Variants in JARID2 observed in about 807,000 individuals in gnomAD.
JARID2 encodes the protein jumonji and AT-rich interaction domain containing 2.
Under a neutral mutation model 125.6 loss-of-function variants are expected in JARID2, and 21 were observed. The observed-to-expected ratio is 0.17, with a 90% CI of 0.12 to 0.24. The LOEUF (loss-of-function observed/expected upper bound fraction) is 0.24, where lower values mean the gene tolerates loss of function less well. JARID2 is among the 10% of genes least tolerant of loss of function. The pLI is 1.00. For synonymous variants in JARID2, 736 were observed against 661.6 expected, an observed-to-expected ratio of 1.11 and a Z score of -1.73; for missense variants, 1,303 against 1,639.6, an observed-to-expected ratio of 0.79 and a Z score of 3.55.
Position 15,487,149 on chromosome 6 carries a change from C to T in JARID2, c.671-158C>T, listed in dbSNP as rs532133229. On this transcript the variant is annotated intron_variant, in intron 5 of 17. Transcript: ENST00000341776. ...GAGAACAGCATAGGGGAAACTGCCT[C>T]CATGATCCAGTCACCTCCCACCAGT... 2.2e-4 allele frequency among the ~76,000 whole-genome samples: 34 copies of T among 152,228 alleles called. 1 individual carries two copies. In the East Asian group the frequency reaches 6.2e-3, roughly 28 times the overall value.
chr6:15,359,407 A>G (rs982051743), intron 1 of JARID2, among the ~76,000 whole-genome samples: 1 of 152,086 alleles, frequency 6.6e-6, no homozygotes, highest in Non-Finnish European at 1.5e-5. Flanking sequence ...ACTGGAGAGA[A>G]AGTTCATTTC....
chr6:15,440,371 G>T (rs1767395282), intron 3 of JARID2, among the ~76,000 whole-genome samples: 1 of 152,178 alleles, frequency 6.6e-6, no homozygotes, highest in African/African-American at 2.4e-5. Flanking sequence ...TTGTAATCGA[G>T]GTAGAATATT....
intron 3 of JARID2, among the ~76,000 whole-genome samples, chr6:15,449,103 C>CA (rs1767803865): frequency 6.6e-6 from 1 of 152,130 alleles, no homozygotes; most frequent in African/African-American, 2.4e-5. Context: ...AACTGCCCCC[C>CA]ACTTCATTGT....
chr6:15,447,949 C>G (rs1490854052), intron 3 of JARID2, among the ~76,000 whole-genome samples: 1 of 152,202 alleles, frequency 6.6e-6, no homozygotes, highest in Non-Finnish European at 1.5e-5. Context: ...ACTCCTGTCC[C>G]TGAAGCCTGT....
intron 1 of JARID2, among the ~76,000 whole-genome samples, chr6:15,355,409 C>G (rs936952584): frequency 6.6e-5 from 10 of 152,040 alleles, no homozygotes; most frequent in African/African-American, 2.4e-4. Flanking sequence ...CATTCTAGAA[C>G]TTTCATATGG....
At chr6:15,426,917 T>G (rs1766752923) in intron 3 of JARID2, among the ~76,000 whole-genome samples, 1 of 152,218 alleles carries the variant, frequency 6.6e-6, no homozygotes, top group African/African-American at 2.4e-5. Flanking sequence ...ATTACATAAC[T>G]GGCCTGAGTA....
At chr6:15,415,921 AC>A (rs898696172) in intron 3 of JARID2, among the ~76,000 whole-genome samples, 1 of 148,824 alleles carries the variant, frequency 6.7e-6, no homozygotes, top group African/African-American at 2.5e-5. Context: ...GACGCTCCTC[AC>A]TTCCCAGACG....
At chr6:15,410,196 AGT>A (rs1486628071) in intron 2 of JARID2, 26 bp from the exon 3 acceptor site, 1 of 1,607,212 alleles carries the variant, frequency 6.2e-7, no homozygotes, top group Non-Finnish European at 8.5e-7. Context: ...GATGTATTTA[AGT>A]GTTTGTCCCC....
intron 2 of JARID2, among the ~76,000 whole-genome samples, 162 bp downstream of exon 2, chr6:15,374,414 T>C (rs1171627430): frequency 1.3e-5 from 2 of 152,224 alleles, no homozygotes; most frequent in African/African-American, 4.8e-5. Flanking sequence ...CTGTTGGGTT[T>C]ATAGGGTTGT....
chr6:15,304,598 C>T (rs1761755087), intron 1 of JARID2, among the ~76,000 whole-genome samples: 1 of 152,010 alleles, frequency 6.6e-6, no homozygotes, highest in Non-Finnish European at 1.5e-5. Flanking sequence ...TGGCCTTTCC[C>T]CCTCTAACCC....
Position 15,517,236 on chromosome 6 carries a change from C to G in JARID2, c.3526C>G (p.Arg1176Gly). 2 of 1,613,934 alleles carry G rather than the reference C, an allele frequency of 1.2e-6. No individual in the cohort carries two copies. Among genetic ancestry groups the G allele is most frequent in the South Asian group, 2.2e-5 (2 of 91,070 alleles). ...LRHVEKQKSC[R>G]GLKLMYRYDE... ...CCACGTGGAGAAACAGAAGTCCTGC[C>G]GAGGGCTGAAGTTGATGTACCGCTA... Residue 1176 changes from arginine (R) to glycine (G), a missense_variant, in exon 17 of 18, where the codon CGA becomes GGA. Around this residue, in one of 11 missense-constraint regions of JARID2, gnomAD observed 190 missense variants for 341.4 expected, o/e 0.56. Transcript: ENST00000341776.
At chr6:15,314,619 G>A (rs949116467) in intron 1 of JARID2, among the ~76,000 whole-genome samples, 5 of 152,090 alleles carry the variant, frequency 3.3e-5, no homozygotes, top group Admixed American at 6.6e-5. Context: ...GTATAGAAGC[G>A]GACAGAACCC....
chr6:15,449,289 G>C (rs1038556945), intron 3 of JARID2, among the ~76,000 whole-genome samples: 1 of 152,078 alleles, frequency 6.6e-6, no homozygotes, highest in African/African-American at 2.4e-5. Context: ...TGTTAAACTT[G>C]ATTCACTTCC....
chr6:15,455,347 G>A (rs1252665928), intron 4 of JARID2, among the ~76,000 whole-genome samples: 1 of 151,950 alleles, frequency 6.6e-6, no homozygotes, highest in Non-Finnish European at 1.5e-5. Context: ...ATCAGATGAG[G>A]GTAATCAGCA....
chr6:15,344,490 T>G (rs1009778742), intron 1 of JARID2, among the ~76,000 whole-genome samples: 1 of 151,306 alleles, frequency 6.6e-6, no homozygotes, highest in Non-Finnish European at 1.5e-5. Flanking sequence ...TGTATTGCTA[T>G]GTCTCACTTA....
In JARID2 at chr6:15,366,319, TG is replaced by T. The variant is rs559088954; in HGVS notation, c.46-7797del. ...TGTCCATGGGCCTAGTTTTTTAGAA[TG>T]TTTTTTTTCATTTGCTATTCAGCTC... is the stretch of plus-strand genomic sequence containing the variant. On this transcript the variant is annotated intron_variant, in intron 1 of 17. Transcript: ENST00000341776. Among the ~76,000 whole-genome samples the T allele has an allele frequency of 5.3e-3, 804 of 152,136 alleles. 1 individual carries two copies. Among genetic ancestry groups the T allele is most frequent in the Non-Finnish European group, 8.9e-3 (602 of 67,984 alleles).
intron 3 of JARID2, among the ~76,000 whole-genome samples, chr6:15,444,539 C>CT (rs1486441965): frequency 1.3e-5 from 2 of 152,070 alleles, no homozygotes; most frequent in Admixed American, 1.3e-4. Context: ...CTTTGAGTGG[C>CT]TGCCAGGTTT....
chr6:15,273,637 GT>G (rs1186709146), intron 1 of JARID2, among the ~76,000 whole-genome samples: 1 of 152,190 alleles, frequency 6.6e-6, no homozygotes, highest in Non-Finnish European at 1.5e-5. Context: ...GGACTTGTGG[GT>G]TGCGGAGAGC....
intron 1 of JARID2, among the ~76,000 whole-genome samples, chr6:15,311,949 G>T (rs1449568386): frequency 1.3e-5 from 2 of 152,080 alleles, no homozygotes; most frequent in Admixed American, 6.5e-5. Context: ...ATTTAATTTG[G>T]ATGGCTACTT....
Sources: allele counts gnomAD v4.1 joint callset (sites outside exome capture counted in the v4.1 genomes callset), GRCh38; gene constraint gnomAD v4.1.1; regional missense constraint gnomAD v4.1.1; transcripts MANE v1.5; gene names NCBI Gene and HGNC (gene_info 2026-07-23, HGNC 2026-07-21).